The following INPP5D variants were observed in gnomAD, a reference collection of about 807,000 sequenced individuals.
INPP5D encodes phosphatidylinositol 3,4,5-trisphosphate 5-phosphatase 1.
In INPP5D, 33 loss-of-function variants were observed where a neutral mutation model predicts 122.9. The observed-to-expected ratio is 0.27, with a 90% CI of 0.20 to 0.36. The LOEUF (loss-of-function observed/expected upper bound fraction) is 0.36, where lower values mean the gene tolerates loss of function less well. Among genes scored for constraint, INPP5D ranks in the 10% least tolerant of loss-of-function variants. The probability of loss-of-function intolerance (pLI) is 1.00; values close to 1 mark genes in which losing one functional copy is unlikely to be tolerated. For synonymous variants in INPP5D, 584 were observed against 576.2 expected (o/e 1.01, Z -0.19); for missense variants, 1,053 against 1,412.7 (o/e 0.75, Z 4.08).
rs1417766113 is a variant in INPP5D at position 233,207,635 on chromosome 2, C to T, written c.*927C>T. The T allele has an allele frequency of 6.6e-6, 1 of 152,386 alleles. No individual in the cohort carries two copies. Among genetic ancestry groups the T allele is most frequent in the Non-Finnish European group, 1.5e-5 (1 of 68,058 alleles). The allele number at this position is 152,386 out of a possible 1,614,324, so 9.4% of individuals were successfully genotyped here. ...CTGTTGCTCCCGAAAGCCGTGCTCTCCAGCCTGGCTGCCAGGGAGGGTGGG... is the reference window on the plus strand; with the variant it reads ...CTGTTGCTCCCGAAAGCCGTGCTCTTCAGCCTGGCTGCCAGGGAGGGTGGG... On this transcript the variant is annotated 3_prime_UTR_variant, in exon 27 of 27. Transcript: ENST00000445964. The surrounding 1 kb of genome is among the most constrained non-coding windows in gnomAD (Gnocchi z 4.6).
At chr2:233,154,480 A>G (rs1693998093) in intron 9 of INPP5D, among the ~76,000 whole-genome samples, 1 of 152,234 alleles carries the variant, frequency 6.6e-6, no homozygotes, top group African/African-American at 2.4e-5. Flanking sequence ...CAAGATGCAC[A>G]TGAACTGGGG....
rs1320038800 is a variant in INPP5D, at chr2:233,206,140, G to A, written c.3568-566G>A. Among the ~76,000 whole-genome samples, 1 of 152,064 alleles carries A rather than the reference G, an allele frequency of 6.6e-6. No homozygotes were observed. The highest frequency in any genetic ancestry group is 1.5e-5 in the Non-Finnish European group (1 of 68,014). On this transcript the variant is annotated intron_variant, in intron 26 of 26. Coordinates refer to ENST00000445964, the MANE Select transcript of INPP5D (RefSeq NM_001017915.3). The surrounding 1 kb of genome is among the most constrained non-coding windows in gnomAD (Gnocchi z 4.0). Reference sequence around the variant, plus strand: ...CCCAGCCCTCCCACCTCCTGGCTCTGTGCCTTGAGCCTCAGTTTACCCATC... The same window carrying A: ...CCCAGCCCTCCCACCTCCTGGCTCTATGCCTTGAGCCTCAGTTTACCCATC...
intron 1 of INPP5D, among the ~76,000 whole-genome samples, chr2:233,064,552 C>T (rs545559719): frequency 1.3e-5 from 2 of 152,322 alleles, no homozygotes; most frequent in Middle Eastern, 3.4e-3. Flanking sequence ...TTGATGTCCA[C>T]GAAGACCTTC....
At chr2:233,098,162 G>A (rs1201938814) in intron 2 of INPP5D, among the ~76,000 whole-genome samples, 2 of 152,072 alleles carry the variant, frequency 1.3e-5, no homozygotes, top group Non-Finnish European at 2.9e-5. Flanking sequence ...CAAAGTGCTG[G>A]GATCACAGGG....
At chr2:233,118,784 C>A (rs1193841527) in intron 2 of INPP5D, among the ~76,000 whole-genome samples, 1 of 152,210 alleles carries the variant, frequency 6.6e-6, no homozygotes, top group African/African-American at 2.4e-5. Flanking sequence ...GAGGAAGGCT[C>A]CCTCCTCAGC....
At position 233,170,711 on chromosome 2, in the gene INPP5D, G is replaced by A; in HGVS notation, c.1900+107G>A. The A allele has an allele frequency of 7.0e-7, 1 of 1,430,996 alleles. No individual in the cohort carries two copies. The highest frequency in any genetic ancestry group is 9.4e-7 in the Non-Finnish European group (1 of 1,061,134). 88.6% of individuals were successfully genotyped at this position (1,430,996 alleles called of 1,614,324 possible). A position where few individuals can be genotyped will look rare whatever the true frequency, so the allele number is the denominator to read the frequency against. On this transcript the variant is annotated intron_variant, in intron 16 of 26. Coordinates refer to ENST00000445964, the MANE Select transcript of INPP5D (RefSeq NM_001017915.3). The surrounding 1 kb of genome is among the most constrained non-coding windows in gnomAD (Gnocchi z 4.5). Reference sequence around the variant, plus strand: ...GAGATCAGGAGATGGAGACCATCCTGGCTAACACAGTGAAACCCCGTCTCT... The same window carrying A: ...GAGATCAGGAGATGGAGACCATCCTAGCTAACACAGTGAAACCCCGTCTCT...
At chr2:233,147,000 C>T (rs1693779900) in intron 8 of INPP5D, among the ~76,000 whole-genome samples, 1 of 152,090 alleles carries the variant, frequency 6.6e-6, no homozygotes, top group Non-Finnish European at 1.5e-5. Context: ...TGATTATCCT[C>T]TATTAAGATA....
chr2:233,183,299 G>A lies in INPP5D; in HGVS notation c.2161+800G>A, dbSNP rs752578361. 1.3e-4 allele frequency among the ~76,000 whole-genome samples: 20 copies of A among 152,062 alleles called. No homozygotes were observed. The highest frequency in any genetic ancestry group is 2.4e-4 in the Non-Finnish European group (16 of 68,000). ...CCAAGCGTAGGGGACCCAAATACAGGGAAAGACCATCTTGCTCTGTGTCCT... is the reference window on the plus strand; with the variant it reads ...CCAAGCGTAGGGGACCCAAATACAGAGAAAGACCATCTTGCTCTGTGTCCT... On this transcript the variant is annotated intron_variant, in intron 19 of 26. Coordinates refer to ENST00000445964, the MANE Select transcript of INPP5D (RefSeq NM_001017915.3). The surrounding 1 kb of genome is among the most constrained non-coding windows in gnomAD (Gnocchi z 4.6).
chr2:233,098,879 T>C (rs550564837), intron 2 of INPP5D, among the ~76,000 whole-genome samples: 35 of 152,372 alleles, frequency 2.3e-4, no homozygotes, highest in African/African-American at 8.2e-4. Flanking sequence ...TGCCATCGAC[T>C]AAAATGCCAT....
Position 233,170,675 on chromosome 2 carries a change from G to T in INPP5D, c.1900+71G>T. The T allele has an allele frequency of 6.4e-7, 1 of 1,569,676 alleles. No homozygotes were observed. Among genetic ancestry groups the T allele is most frequent in the South Asian group, 1.1e-5 (1 of 88,768 alleles). ...TCCCAGCACTTTAGGAGGCCGAGGC[G>T]GGCGGATCACGAGATCAGGAGATGG... On this transcript the variant is annotated intron_variant, in intron 16 of 26. Coordinates refer to ENST00000445964, the MANE Select transcript of INPP5D (RefSeq NM_001017915.3). The surrounding 1 kb of genome is among the most constrained non-coding windows in gnomAD (Gnocchi z 4.5).
intron 6 of INPP5D, among the ~76,000 whole-genome samples, chr2:233,145,043 A>G (rs919817967): frequency 5.9e-5 from 9 of 152,130 alleles, no homozygotes; most frequent in Non-Finnish European, 1.2e-4. Flanking sequence ...TTGTATTCAC[A>G]TTAGCCATAC....
At chr2:233,195,608 A>G in intron 24 of INPP5D, 113 bp downstream of exon 24, 1 of 1,523,222 alleles carries the variant, frequency 6.6e-7, no homozygotes, top group East Asian at 2.4e-5. Flanking sequence ...GCACTTTGGG[A>G]GGCCAAGGCT....
chr2:233,067,870 G>T (rs961364380), intron 1 of INPP5D, among the ~76,000 whole-genome samples: 27 of 152,188 alleles, frequency 1.8e-4, no homozygotes, highest in Non-Finnish European at 3.1e-4. Flanking sequence ...AGAAAACAGG[G>T]TTGTTTGTCT....
At chr2:233,176,637 TAGTC>T (rs1694646409) in intron 17 of INPP5D, among the ~76,000 whole-genome samples, 1 of 1,750 alleles carries the variant, frequency 5.7e-4, no homozygotes, top group African/African-American at 3.1e-3. Context: ...GATGGATGGC[TAGTC>T]GGTGGGTGGA....
chr2:233,200,999 AATAAATAAATAG>A (rs1450307903), intron 25 of INPP5D, among the ~76,000 whole-genome samples: 1 of 127,682 alleles, frequency 7.8e-6, no homozygotes, highest in Non-Finnish European at 1.7e-5. Flanking sequence ...TAAATAAATA[AATAAATAAATAG>A]ATGAGAGGAA....
intron 9 of INPP5D, among the ~76,000 whole-genome samples, chr2:233,154,412 G>T (rs1559322630): frequency 6.6e-6 from 1 of 152,194 alleles, no homozygotes; most frequent in African/African-American, 2.4e-5. Flanking sequence ...GCCTCCCAAA[G>T]TGCTGGTGTT....
chr2:233,065,261 G>C (rs1370116584), intron 1 of INPP5D, among the ~76,000 whole-genome samples: 2 of 151,490 alleles, frequency 1.3e-5, no homozygotes, highest in Non-Finnish European at 2.9e-5. Context: ...TTGTCTACCT[G>C]GTAGGTTAAA....
At chr2:233,125,709 T>C (rs2106259583) in intron 3 of INPP5D, 36 bp from the exon 4 acceptor site, 3 of 1,584,748 alleles carry the variant, frequency 1.9e-6, no homozygotes, top group South Asian at 1.1e-5. Context: ...GTGCGCACAG[T>C]GTCCTCACCA....
In INPP5D at chr2:233,204,591, C is replaced by G. The variant is rs772956535; in HGVS notation, c.3441C>G (p.Ser1147Arg). Residue 1147 changes from serine to arginine, a missense_variant, in exon 26 of 27, where the codon AGC becomes AGG. Coordinates refer to ENST00000445964, the MANE Select transcript of INPP5D (RefSeq NM_001017915.3). ...CGCGGCCGCCGCTGCCAGTCAAGAGCCCGGCGGTGCTGCACCTCCAGCACT... is the reference window on the plus strand; with the variant it reads ...CGCGGCCGCCGCTGCCAGTCAAGAGGCCGGCGGTGCTGCACCTCCAGCACT... ...PTPRPPLPVK[S>R]PAVLHLQHSK... is the part of the protein sequence containing the mutation. 7 of 1,567,606 alleles carry G rather than the reference C, an allele frequency of 4.5e-6. No individual in the cohort carries two copies. In the South Asian group the frequency reaches 7.0e-5, roughly 16 times the overall value.
Sources: allele counts gnomAD v4.1 joint callset (sites outside exome capture counted in the v4.1 genomes callset), GRCh38; gene constraint gnomAD v4.1.1; non-coding constraint Gnocchi (gnomAD v3.1); transcripts MANE v1.5; gene names NCBI Gene and HGNC (gene_info 2026-07-23, HGNC 2026-07-21).